KAT7: variants seen among roughly 807,000 people sequenced by gnomAD.
KAT7 encodes the protein histone acetyltransferase KAT7.
A neutral mutation model predicts 82.1 loss-of-function variants in KAT7; 10 were observed. The ratio of observed to expected loss-of-function variants is 0.12; its 90% CI spans 0.08 to 0.21. The LOEUF (loss-of-function observed/expected upper bound fraction) is 0.21, where lower values mean the gene tolerates loss of function less well. Ranked by LOEUF, KAT7 falls within the 10% of genes least tolerant of loss-of-function variation. KAT7 has a pLI of 1.00. For missense variants in KAT7, 378 were observed against 760.9 expected (o/e 0.50, Z 5.92); for synonymous variants, 250 against 262.5 (o/e 0.95, Z 0.46).
intron 2 of KAT7, among the ~76,000 whole-genome samples, chr17:49,793,267 A>T (rs1484375647): frequency 6.6e-6 from 1 of 152,266 alleles, no homozygotes; most frequent in Admixed American, 6.5e-5. Context: ...ATGTAATCCA[A>T]TAAACACTTG....
At chr17:49,810,858 G>A (rs2074153907) in intron 6 of KAT7, among the ~76,000 whole-genome samples, 1 of 151,998 alleles carries the variant, frequency 6.6e-6, no homozygotes, top group African/African-American at 2.4e-5. Context: ...ATTTAGCTGG[G>A]CGTGGTGGTG....
chr17:49,826,545 A>G, intron 13 of KAT7, 148 bp from the exon 14 acceptor site: 1 of 630,354 alleles, frequency 1.6e-6, no homozygotes, highest in South Asian at 1.8e-5. Context: ...TCAAATGAAT[A>G]CTTTGTAAAC....
In KAT7 at chr17:49,834,267, C is replaced by T. The variant is rs750479624; in HGVS notation, c.*6765C>T. ...GGCTCCAGCTATCCTCCCACCTCAACCTCCAGAGTAGTTGAGACCACAGGC... is the reference window on the plus strand; with the variant it reads ...GGCTCCAGCTATCCTCCCACCTCAATCTCCAGAGTAGTTGAGACCACAGGC... On this transcript the variant is annotated 3_prime_UTR_variant, in exon 15 of 15. Transcript: ENST00000259021. 6.6e-6 allele frequency: 1 copy of T among 152,284 alleles called. No individual in the cohort carries two copies. Among genetic ancestry groups the T allele is most frequent in the African/African-American group, 2.4e-5 (1 of 41,456 alleles). 9.4% of individuals were successfully genotyped at this position (152,284 alleles called of 1,614,324 possible). A position where few individuals can be genotyped will look rare whatever the true frequency, so the allele number is the denominator to read the frequency against.
At chr17:49,818,799 C>T (rs1381261572) in intron 9 of KAT7, among the ~76,000 whole-genome samples, 4 of 149,118 alleles carry the variant, frequency 2.7e-5, no homozygotes, top group East Asian at 2.0e-4. Context: ...AGTGCAGTGG[C>T]GCGATCTTGG....
Position 49,831,009 on chromosome 17 carries a change from G to T in KAT7, c.*3507G>T, listed in dbSNP as rs1032872803. 6.6e-6 allele frequency: 1 copy of T among 152,136 alleles called. No individual in the cohort carries two copies. The highest frequency in any genetic ancestry group is 2.4e-5 in the African/African-American group (1 of 41,418). 9.4% of individuals were successfully genotyped at this position (152,136 alleles called of 1,614,324 possible). On this transcript the variant is annotated 3_prime_UTR_variant, in exon 15 of 15. Coordinates refer to ENST00000259021, the MANE Select transcript of KAT7 (RefSeq NM_007067.5). Reference sequence around the variant, plus strand: ...ACTGATTTTTAAGCCAGCTGTGATAGCTCTGTAATAGTCTGTAATCTCAGC... The same window carrying T: ...ACTGATTTTTAAGCCAGCTGTGATATCTCTGTAATAGTCTGTAATCTCAGC...
At chr17:49,818,237 C>G (rs1281277570) in intron 9 of KAT7, among the ~76,000 whole-genome samples, 2 of 152,212 alleles carry the variant, frequency 1.3e-5, no homozygotes, top group African/African-American at 2.4e-5. Flanking sequence ...TACCCACATC[C>G]TGTCATGTAC....
intron 9 of KAT7, among the ~76,000 whole-genome samples, chr17:49,818,869 C>T (rs530665791): frequency 6.6e-6 from 1 of 151,546 alleles, no homozygotes; most frequent in South Asian, 2.1e-4. Context: ...CTCCTGAGTA[C>T]CTGGGACTAC....
rs1400655846 is a variant in KAT7, at chr17:49,828,801, A to T, written c.*1299A>T. 2 of 153,320 alleles carry T rather than the reference A, an allele frequency of 1.3e-5. No homozygotes were observed. Among genetic ancestry groups the T allele is most frequent in the Admixed American group, 6.5e-5 (1 of 15,278 alleles). 9.5% of individuals were successfully genotyped at this position (153,320 alleles called of 1,614,324 possible). A position where few individuals can be genotyped will look rare whatever the true frequency, so the allele number is the denominator to read the frequency against. ...CCTTCCCAACTTGGTCTCCTCCAAC[A>T]TGCTGTCTTCATGTGGAGCCCTCAC... On this transcript the variant is annotated 3_prime_UTR_variant, in exon 15 of 15. Transcript: ENST00000259021.
rs559811414 is a variant in KAT7, at chr17:49,797,666, G to T, written c.341-653G>T. On this transcript the variant is annotated intron_variant, in intron 3 of 14. Coordinates refer to ENST00000259021, the MANE Select transcript of KAT7 (RefSeq NM_007067.5). ...TGTTGCTAGTATTTGAAAACACAAT[G>T]ATTTCATATAAAAACCTGGATTAAT... Among the ~76,000 whole-genome samples, 16 of 152,312 alleles carry T rather than the reference G, an allele frequency of 1.1e-4. 1 individual carries two copies. Among genetic ancestry groups the T allele is most frequent in the Admixed American group, 8.5e-4 (13 of 15,296 alleles).
At chr17:49,795,999 A>G (rs1567848353) in intron 2 of KAT7, among the ~76,000 whole-genome samples, 1 of 152,132 alleles carries the variant, frequency 6.6e-6, no homozygotes, top group East Asian at 1.9e-4. Context: ...GCACAAAAAA[A>G]CTAAAACATA....
At position 49,831,378 on chromosome 17, in the gene KAT7, G is replaced by T. The variant is rs1468693403; in HGVS notation, c.*3876G>T. The stretch of plus-strand genomic sequence containing the variant: ...GAAGCAAAAGATGTGCCTCATTCTG[G>T]CATTGTTTCTGATTTAGGAATAAAC... On this transcript the variant is annotated 3_prime_UTR_variant, in exon 15 of 15. Coordinates refer to ENST00000259021, the MANE Select transcript of KAT7 (RefSeq NM_007067.5). 6.6e-6 allele frequency: 1 copy of T among 152,168 alleles called. No individual in the cohort carries two copies. The highest frequency in any genetic ancestry group is 6.5e-5 in the Admixed American group (1 of 15,272). 9.4% of individuals were successfully genotyped at this position (152,168 alleles called of 1,614,324 possible). A position where few individuals can be genotyped will look rare whatever the true frequency, so the allele number is the denominator to read the frequency against.
intron 7 of KAT7, among the ~76,000 whole-genome samples, chr17:49,813,496 A>T (rs1014876100): frequency 2.0e-5 from 3 of 152,190 alleles, no homozygotes; most frequent in African/African-American, 7.2e-5. Context: ...GCATGGCTTC[A>T]CTAAGACAAA....
At chr17:49,809,096 A>G in intron 5 of KAT7, 23 bp from the exon 6 acceptor site, 3 of 1,593,222 alleles carry the variant, frequency 1.9e-6, no homozygotes, top group Non-Finnish European at 2.6e-6. Context: ...AGGTGGATTT[A>G]TTGACGTTGT....
chr17:49,813,237 C>T (rs1293710035), intron 7 of KAT7, among the ~76,000 whole-genome samples: 1 of 151,976 alleles, frequency 6.6e-6, no homozygotes, highest in Admixed American at 6.6e-5. Flanking sequence ...CCTCTGTACC[C>T]AGTGGTTAGC....
Position 49,802,523 on chromosome 17 carries a change from C to T in KAT7, c.581-2840C>T, listed in dbSNP as rs141808532. 2.9e-3 allele frequency among the ~76,000 whole-genome samples: 435 copies of T among 152,096 alleles called. 1 individual carries two copies. Among genetic ancestry groups the T allele is most frequent in the African/African-American group, 9.9e-3 (412 of 41,488 alleles). Reference sequence around the variant, plus strand: ...TCTCTATTAAAAATACAAAATTAGCCAGGCGTGGTGGCGGCGCTTGTAATC... The same window carrying T: ...TCTCTATTAAAAATACAAAATTAGCTAGGCGTGGTGGCGGCGCTTGTAATC... On this transcript the variant is annotated intron_variant, in intron 4 of 14. Coordinates refer to ENST00000259021, the MANE Select transcript of KAT7 (RefSeq NM_007067.5).
intron 8 of KAT7, 59 bp from the exon 9 acceptor site, chr17:49,817,761 T>C: frequency 6.9e-7 from 1 of 1,441,276 alleles, no homozygotes; most frequent in East Asian, 2.3e-5. Context: ...CTGTGCCCTG[T>C]CTAAAAGCAA....
chr17:49,798,368 T>G lies in KAT7; in HGVS notation c.390T>G (p.Thr130=). Residue 130 remains threonine (T), a synonymous_variant, in exon 4 of 15, where the codon ACT becomes ACG. Coordinates refer to ENST00000259021, the MANE Select transcript of KAT7 (RefSeq NM_007067.5). The part of the protein sequence containing the change: ...DHDESPPRTP[T]GNAPSSESDI... ...ATGAGTCACCGCCTCGAACTCCAACTGGAAATGCGCCTTCTTCTGAGTCTG... is the reference window on the plus strand; with the variant it reads ...ATGAGTCACCGCCTCGAACTCCAACGGGAAATGCGCCTTCTTCTGAGTCTG... The G allele has an allele frequency of 6.2e-7, 1 of 1,614,202 alleles. No individual in the cohort carries two copies. The highest frequency in any genetic ancestry group is 1.1e-5 in the South Asian group (1 of 91,088).
Position 49,788,830 on chromosome 17 carries a change from C to A in KAT7, c.-5C>A. Reference sequence around the variant, plus strand: ...ATCGGAACCGTCGGGCCGCAGCCGCCGGCAATGCCGCGAAGGAAGGTGAGA... The same window carrying A: ...ATCGGAACCGTCGGGCCGCAGCCGCAGGCAATGCCGCGAAGGAAGGTGAGA... On this transcript the variant is annotated 5_prime_UTR_variant, in exon 1 of 15. Coordinates refer to ENST00000259021, the MANE Select transcript of KAT7 (RefSeq NM_007067.5). 1 of 1,585,074 alleles carries A rather than the reference C, an allele frequency of 6.3e-7. No homozygotes were observed. The highest frequency in any genetic ancestry group is 8.6e-7 in the Non-Finnish European group (1 of 1,164,872).
intron 14 of KAT7, 120 bp from the exon 15 acceptor site, chr17:49,827,281 A>G (rs1832065831): frequency 3.1e-6 from 2 of 635,288 alleles, no homozygotes; most frequent in African/African-American, 3.7e-5. Context: ...ATTTTTTTTG[A>G]TACCCTAATA....
Sources: allele counts gnomAD v4.1 joint callset (sites outside exome capture counted in the v4.1 genomes callset), GRCh38; gene constraint gnomAD v4.1.1; transcripts MANE v1.5; gene names NCBI Gene and HGNC (gene_info 2026-07-23, HGNC 2026-07-21).